Variants in RAPGEF4 observed in about 807,000 individuals in gnomAD.
RAPGEF4 encodes the protein RAP guanine-nucleotide-exchange factor (GEF) 4.
A neutral mutation model predicts 147.9 loss-of-function variants in RAPGEF4; 66 were observed. That is an observed-to-expected ratio of 0.45 (90% CI 0.37 to 0.55). The LOEUF (loss-of-function observed/expected upper bound fraction) is 0.55, where lower values mean the gene tolerates loss of function less well. Among genes scored for constraint, RAPGEF4 ranks in the 20% least tolerant of loss-of-function variants. The pLI is 0.00. For synonymous variants in RAPGEF4, 419 were observed against 442.7 expected, an observed-to-expected ratio of 0.95 and a Z score of 0.67; for missense variants, 1,071 against 1,257.3, an observed-to-expected ratio of 0.85 and a Z score of 2.24.
intron 4 of RAPGEF4, among the ~76,000 whole-genome samples, chr2:172,909,858 C>T (rs1194900203): frequency 6.6e-6 from 1 of 152,150 alleles, no homozygotes; most frequent in African/African-American, 2.4e-5. Context: ...ATCAGCTAAA[C>T]ACCAATAAGG....
In RAPGEF4 at chr2:173,017,208, G is replaced by A; in HGVS notation, c.1929+4G>A. On this transcript the variant is annotated splice_donor_region_variant and intron_variant, in intron 20 of 30. Transcript: ENST00000397081. ...TGCAAAGGCACCACAAAAGAAGGTA[G>A]GTGGCATGAACTTGCATTCTCTGTC... 6.2e-7 allele frequency: 1 copy of A among 1,612,838 alleles called. No homozygotes were observed. The highest frequency in any genetic ancestry group is 1.1e-5 in the South Asian group (1 of 91,048).
chr2:173,023,951 C>T (rs1245692113), intron 23 of RAPGEF4, among the ~76,000 whole-genome samples: 1 of 152,202 alleles, frequency 6.6e-6, no homozygotes, highest in East Asian at 1.9e-4. Context: ...GTCGTAAACC[C>T]TAAAATGTAT....
Position 172,817,421 on chromosome 2 carries a change from A to T in RAPGEF4, c.444+2996A>T, listed in dbSNP as rs117470445. ...TATGTCAGATAATAGGTTTAGTAAA[A>T]TTAATCCATCCTTGTTCTGGTAAAA... On this transcript the variant is annotated intron_variant, in intron 4 of 30. Coordinates refer to ENST00000397081, the MANE Select transcript of RAPGEF4 (RefSeq NM_007023.4). 1.1e-4 allele frequency among the ~76,000 whole-genome samples: 16 copies of T among 152,306 alleles called. No homozygotes were observed. The East Asian group carries it at 2.7e-3, about 26-fold the overall frequency.
chr2:172,917,405 A>C (rs1416541744), intron 4 of RAPGEF4: 1 of 491,446 alleles, frequency 2.0e-6, no homozygotes, highest in African/African-American at 1.9e-5. Flanking sequence ...AGTGCCATTC[A>C]CCTATTAAGT....
chr2:172,931,923 A>G (rs966688745), intron 6 of RAPGEF4, among the ~76,000 whole-genome samples: 3 of 151,720 alleles, frequency 2.0e-5, no homozygotes, highest in Admixed American at 1.3e-4. Flanking sequence ...AATAACTGAA[A>G]CAGGTAATGC....
intron 4 of RAPGEF4, among the ~76,000 whole-genome samples, chr2:172,889,528 G>A (rs539532582): frequency 6.6e-6 from 1 of 152,122 alleles, no homozygotes; most frequent in South Asian, 2.1e-4. Flanking sequence ...TTCTCCCACA[G>A]AGGTCATTTC....
At chr2:173,003,695 CT>C (rs539499270) in intron 17 of RAPGEF4, among the ~76,000 whole-genome samples, 940 of 71,500 alleles carry the variant, frequency 0.013, 15 homozygotes, top group African/African-American at 0.042. Flanking sequence ...TGGAGTTTGC[CT>C]TTTTTTTTTC....
At chr2:172,899,920 A>G (rs1416826126) in intron 4 of RAPGEF4, among the ~76,000 whole-genome samples, 1 of 152,210 alleles carries the variant, frequency 6.6e-6, no homozygotes, top group African/African-American at 2.4e-5. Flanking sequence ...AAGGCCAAGC[A>G]CGTGAGGTGG....
chr2:173,016,521 G>A (rs1323574589), intron 19 of RAPGEF4, 84 bp downstream of exon 19: 11 of 1,151,656 alleles, frequency 9.6e-6, no homozygotes, highest in Non-Finnish European at 1.4e-5. Flanking sequence ...GTTAAAGCTG[G>A]TCTTTCCATA....
chr2:172,992,716 T>C lies in RAPGEF4; in HGVS notation c.1490+1791T>C, dbSNP rs372614613. On this transcript the variant is annotated intron_variant, in intron 15 of 30. Coordinates refer to ENST00000397081, the MANE Select transcript of RAPGEF4 (RefSeq NM_007023.4). Reference sequence around the variant, plus strand: ...GCCTGATCTGATTTTCTATTATATCTCCTTATTTGTGTCCTGTATTCCAAT... The same window carrying C: ...GCCTGATCTGATTTTCTATTATATCCCCTTATTTGTGTCCTGTATTCCAAT... 3.3e-5 allele frequency among the ~76,000 whole-genome samples: 5 copies of C among 152,344 alleles called. No individual in the cohort carries two copies. The East Asian group carries it at 9.6e-4, about 29-fold the overall frequency.
At chr2:172,884,766 A>T (rs3769280) in intron 4 of RAPGEF4, among the ~76,000 whole-genome samples, 4,731 of 152,280 alleles carry the variant, frequency 0.031, 163 homozygotes, top group South Asian at 0.15. Flanking sequence ...GTGATATGGT[A>T]TTATTTTTTT....
chr2:172,814,544 A>G, intron 4 of RAPGEF4, 119 bp downstream of exon 4: 3 of 1,268,818 alleles, frequency 2.4e-6, no homozygotes, highest in Admixed American at 1.9e-5. Context: ...GGTAGATGGA[A>G]TTTAATTTTC....
At chr2:172,833,198 C>T (rs1479934184) in intron 4 of RAPGEF4, among the ~76,000 whole-genome samples, 20 of 92,100 alleles carry the variant, frequency 2.2e-4, no homozygotes, top group South Asian at 1.3e-3. Context: ...AGCGAGACTC[C>T]GTCTCAGAAA....
At chr2:172,814,489 G>T (rs773053533) in intron 4 of RAPGEF4, 64 bp downstream of exon 4, 1 of 1,532,116 alleles carries the variant, frequency 6.5e-7, no homozygotes, top group Non-Finnish European at 9.0e-7. Flanking sequence ...CTGCCACATG[G>T]ATAATGGCAT....
At chr2:172,973,932 T>G (rs993005542) in intron 10 of RAPGEF4, among the ~76,000 whole-genome samples, 2 of 152,192 alleles carry the variant, frequency 1.3e-5, no homozygotes, top group African/African-American at 4.8e-5. Context: ...CAGTTTATCA[T>G]TATATCATCT....
At chr2:172,996,641 G>A (rs376497231) in intron 16 of RAPGEF4, 87 bp downstream of exon 16, 23 of 939,612 alleles carry the variant, frequency 2.4e-5, no homozygotes, top group South Asian at 1.3e-4. Context: ...TGTGTATAGC[G>A]AAAGCAGTTT....
chr2:172,837,185 A>T (rs1235685572), intron 4 of RAPGEF4, among the ~76,000 whole-genome samples: 1 of 152,212 alleles, frequency 6.6e-6, no homozygotes, highest in Non-Finnish European at 1.5e-5. Context: ...AGGCAATTAT[A>T]AACATAAAAA....
At chr2:172,877,109 A>T (rs1021839824) in intron 4 of RAPGEF4, among the ~76,000 whole-genome samples, 4 of 152,148 alleles carry the variant, frequency 2.6e-5, no homozygotes, top group African/African-American at 9.6e-5. Context: ...GACTTGGAAC[A>T]AACCCAAATG....
Position 172,967,429 on chromosome 2 carries a change from T to A in RAPGEF4, c.989T>A (p.Met330Lys). Residue 330 changes from methionine (M) to lysine (K), a missense_variant, in exon 10 of 31, where the codon ATG (methionine) becomes AAG (lysine). Met to Lys is a moderately conservative substitution (Grantham distance 95). Coordinates refer to ENST00000397081, the MANE Select transcript of RAPGEF4 (RefSeq NM_007023.4). ...ATGGGCCCCGACGCCCACATGAGGA[T>A]GATCCTTCGCAAACCGTGAGTGAGA... is the stretch of plus-strand genomic sequence containing the variant. ...SQMGPDAHMRMILRKPPGQRT... is the reference protein window; with the variant it reads ...SQMGPDAHMRKILRKPPGQRT... 1.9e-6 allele frequency: 3 copies of A among 1,611,558 alleles called. No homozygotes were observed. The highest frequency in any genetic ancestry group is 2.5e-6 in the Non-Finnish European group (3 of 1,179,592).
Sources: gnomAD v4.1 joint callset for allele counts (sites outside exome capture counted in the v4.1 genomes callset) on GRCh38, gnomAD v4.1.1 for gene constraint, MANE v1.5 for transcripts, NCBI Gene and HGNC (gene_info 2026-07-23, HGNC 2026-07-21) for gene names.